The following FAM120C variants were observed in gnomAD, a reference collection of about 807,000 sequenced individuals.
FAM120C encodes constitutive coactivator of PPAR-gamma-like protein 2.
FAM120C carries 14 observed loss-of-function variants against 71.2 expected under a neutral mutation model. The observed-to-expected ratio is 0.20, with a 90% CI of 0.13 to 0.31. The LOEUF (loss-of-function observed/expected upper bound fraction) is 0.31. FAM120C is among the 10% of genes least tolerant of loss of function. FAM120C has a pLI of 1.00. For synonymous variants in FAM120C, 354 were observed against 353.2 expected, an observed-to-expected ratio of 1.00 and a Z score of -0.03; for missense variants, 500 against 879.0, an observed-to-expected ratio of 0.57 and a Z score of 5.45.
rs531470908 is a variant in FAM120C at position 54,068,789 on chromosome X, C to CAGAATAGAATAGAATAGAATAGAAT, written c.*4219_*4243dup. The CAGAATAGAATAGAATAGAATAGAAT allele has an allele frequency of 7.8e-5, 8 of 103,197 alleles. No homozygotes were observed. The highest frequency in any genetic ancestry group is 3.2e-4 in the African/African-American group (8 of 25,096). 8.5% of individuals were successfully genotyped at this position (103,197 alleles called of 1,213,427 possible). The stretch of plus-strand genomic sequence containing the variant: ...AAAAACAGAATAGAACAGAATAGAA[C>CAGAATAGAATAGAATAGAATAGAAT]AGAATAGAATAGAATAGAATAGAAT... On this transcript the variant is annotated 3_prime_UTR_variant, in exon 16 of 16. Coordinates refer to ENST00000375180, the MANE Select transcript of FAM120C (RefSeq NM_017848.6).
chrX:54,132,218 A>T (rs1489756700), intron 9 of FAM120C, among the ~76,000 whole-genome samples: 4 of 109,202 alleles, frequency 3.7e-5, no homozygotes, highest in African/African-American at 1.3e-4. Flanking sequence ...ACCACGCCTA[A>T]TTTTTTCAAT....
At chrX:54,148,924 G>A (rs1295290428) in intron 4 of FAM120C, among the ~76,000 whole-genome samples, 2 of 111,580 alleles carry the variant, frequency 1.8e-5, no homozygotes, top group Admixed American at 9.6e-5. Context: ...AAAACACGTT[G>A]TATGCAATAA....
intron 10 of FAM120C, among the ~76,000 whole-genome samples, chrX:54,098,617 T>A (rs1047606804): frequency 3.4e-4 from 38 of 111,404 alleles, no homozygotes; most frequent in African/African-American, 1.2e-3. Context: ...TATATGTTCT[T>A]TTTTATTTTA....
In FAM120C at chrX:54,168,357, A is replaced by G. The variant is rs1174471605; in HGVS notation, c.700-8741T>C. Among the ~76,000 whole-genome samples the G allele has an allele frequency of 2.7e-5, 3 of 110,154 alleles. No homozygotes were observed. The East Asian group carries it at 8.6e-4, about 32-fold the overall frequency. Reference sequence around the variant, plus strand: ...GCTATGTTGCCCAGGCTGGTCTCAAACTCCTGGACAGAAGCAATCTTCTTA... The same window carrying G: ...GCTATGTTGCCCAGGCTGGTCTCAAGCTCCTGGACAGAAGCAATCTTCTTA... On this transcript the variant is annotated intron_variant, in intron 1 of 15. Coordinates refer to ENST00000375180, the MANE Select transcript of FAM120C (RefSeq NM_017848.6).
At chrX:54,163,884 TTGTGTG>T (rs782142864) in intron 1 of FAM120C, among the ~76,000 whole-genome samples, 10 of 102,961 alleles carry the variant, frequency 9.7e-5, no homozygotes, top group African/African-American at 2.9e-4. Flanking sequence ...CCTTTTTATG[TTGTGTG>T]TGTGTGTGTG....
chrX:54,145,289 T>C (rs1447052843), intron 4 of FAM120C, among the ~76,000 whole-genome samples: 2 of 111,409 alleles, frequency 1.8e-5, no homozygotes, highest in East Asian at 2.8e-4. Context: ...CCAAAAGCAA[T>C]GGCAACAAAA....
chrX:54,154,576 T>C, intron 3 of FAM120C, among the ~76,000 whole-genome samples: 1 of 92,214 alleles, frequency 1.1e-5, no homozygotes, highest in African/African-American at 4.2e-5. Context: ...CACTGCACTC[T>C]AGCATGGGCA....
chrX:54,091,962 G>A (rs1336643004), intron 10 of FAM120C, among the ~76,000 whole-genome samples: 3 of 111,164 alleles, frequency 2.7e-5, no homozygotes, highest in African/African-American at 9.8e-5. Flanking sequence ...AGGGCTTCAG[G>A]TGGTGGAAAG....
intron 10 of FAM120C, among the ~76,000 whole-genome samples, chrX:54,108,945 C>T (rs1464609455): frequency 5.6e-5 from 4 of 71,402 alleles, no homozygotes; most frequent in African/African-American, 2.1e-4. Flanking sequence ...AAAAAAAACA[C>T]GTAAATACAA....
chrX:54,174,097 T>C (rs1557136339), intron 1 of FAM120C: 2 of 512,817 alleles, frequency 3.9e-6, no homozygotes, highest in Non-Finnish European at 7.0e-6. Flanking sequence ...TTCCCTCAGT[T>C]TCTTTTCCTG....
chrX:54,075,000 T>C (rs1205403076), intron 15 of FAM120C, among the ~76,000 whole-genome samples: 1 of 110,336 alleles, frequency 9.1e-6, no homozygotes, highest in Non-Finnish European at 1.9e-5. Flanking sequence ...TCTACAAAAA[T>C]TACAAAAATT....
intron 13 of FAM120C, 113 bp downstream of exon 13, chrX:54,085,602 T>A: frequency 5.9e-6 from 4 of 679,438 alleles, no homozygotes; most frequent in Admixed American, 3.8e-5. Context: ...AAAAAAAAAG[T>A]CAATGAGATG....
rs932737287 is a variant in FAM120C, at chrX:54,076,105, G to A, written c.3037-2818C>T. 5.5e-5 allele frequency among the ~76,000 whole-genome samples: 6 copies of A among 109,401 alleles called. No individual in the cohort carries two copies. The South Asian group carries it at 1.6e-3, about 29-fold the overall frequency. On this transcript the variant is annotated intron_variant, in intron 15 of 15. Transcript: ENST00000375180. ...TGCAGCCTGGGCACTTTGGGAGGCC[G>A]AGGCAGGCAGATCAACTGAGGTCTG...
chrX:54,104,263 T>G (rs2066895420), intron 10 of FAM120C, among the ~76,000 whole-genome samples: 1 of 111,296 alleles, frequency 9.0e-6, no homozygotes, highest in African/African-American at 3.3e-5. Context: ...TGTATCAACC[T>G]TTCCTAGAAG....
At chrX:54,118,356 A>C (rs1197801008) in intron 9 of FAM120C, among the ~76,000 whole-genome samples, 1 of 111,273 alleles carries the variant, frequency 9.0e-6, no homozygotes, top group Non-Finnish European at 1.9e-5. Flanking sequence ...ACCACAGTTT[A>C]ATCATTCACC....
intron 5 of FAM120C, 51 bp from the exon 6 acceptor site, chrX:54,135,655 A>G (rs371264693): frequency 9.7e-7 from 1 of 1,036,204 alleles, no homozygotes; most frequent in Admixed American, 2.3e-5. Flanking sequence ...TAATTTTACC[A>G]TGTTATATTC....
chrX:54,135,676 A>G lies in FAM120C; in HGVS notation c.1259-72T>C, dbSNP rs1037878743. ...TACCATGTTATATTCTGCTCACCCC[A>G]TATCACCTGAAAAAGTGTTATTAAT... On this transcript the variant is annotated intron_variant, in intron 5 of 15. Coordinates refer to ENST00000375180, the MANE Select transcript of FAM120C (RefSeq NM_017848.6). The G allele has an allele frequency of 1.1e-5, 9 of 813,977 alleles. No homozygotes were observed. In the South Asian group the frequency reaches 1.5e-4, roughly 13 times the overall value. 67.1% of individuals were successfully genotyped at this position (813,977 alleles called of 1,213,427 possible).
intron 4 of FAM120C, among the ~76,000 whole-genome samples, chrX:54,149,173 C>A (rs2067172377): frequency 1.8e-5 from 2 of 111,955 alleles, no homozygotes; most frequent in South Asian, 7.3e-4. Flanking sequence ...CACCATAAAT[C>A]GAAATAAATC....
In FAM120C at chrX:54,072,818, T is replaced by C; in HGVS notation, c.*215A>G. The C allele has an allele frequency of 7.8e-6, 3 of 384,472 alleles. No individual in the cohort carries two copies. Among genetic ancestry groups the C allele is most frequent in the Non-Finnish European group, 1.3e-5 (3 of 225,135 alleles). 31.7% of individuals were successfully genotyped at this position (384,472 alleles called of 1,213,427 possible). The stretch of plus-strand genomic sequence containing the variant: ...AGACTAGGACCTAGTCTTACTGCCA[T>C]TCATCTTTGACCAGAACTTCTCCAG... On this transcript the variant is annotated 3_prime_UTR_variant, in exon 16 of 16. Coordinates refer to ENST00000375180, the MANE Select transcript of FAM120C (RefSeq NM_017848.6).
Sources: gnomAD v4.1 joint callset for allele counts (sites outside exome capture counted in the v4.1 genomes callset) on GRCh38, gnomAD v4.1.1 for gene constraint, MANE v1.5 for transcripts, NCBI Gene and HGNC (gene_info 2026-07-23, HGNC 2026-07-21) for gene names.